Variants in MSH3 observed in about 807,000 individuals in gnomAD.
MSH3 encodes the protein mutS homolog 3.
Under a neutral mutation model 123.3 loss-of-function variants are expected in MSH3, and 106 were observed. The observed-to-expected ratio is 0.86, with a 90% CI of 0.73 to 1.01. MSH3 has a LOEUF of 1.01. Among genes scored for constraint, MSH3 ranks in the 50% least tolerant of loss-of-function variants. The pLI, the probability that MSH3 is intolerant of heterozygous loss-of-function variation, is 0.00. For missense variants in MSH3, 1,459 were observed against 1,347.6 expected (o/e 1.08, Z -1.29); for synonymous variants, 515 against 481.4 (o/e 1.07, Z -0.91).
chr5:80,770,562 C>T (rs1744198708), intron 15 of MSH3, among the ~76,000 whole-genome samples: 1 of 152,208 alleles, frequency 6.6e-6, no homozygotes, highest in African/African-American at 2.4e-5. Context: ...AAGGGTCATT[C>T]CAGTTTGTTG....
chr5:80,775,239 G>C (rs936809560), intron 15 of MSH3, among the ~76,000 whole-genome samples: 1 of 152,040 alleles, frequency 6.6e-6, no homozygotes, highest in African/African-American at 2.4e-5. Context: ...TCAGTTCCTT[G>C]GATAAAAACT....
intron 8 of MSH3, among the ~76,000 whole-genome samples, chr5:80,718,862 C>T (rs146612777): frequency 3.0e-3 from 451 of 152,128 alleles, no homozygotes; most frequent in African/African-American, 0.01. Context: ...TCAAAATGGC[C>T]CATTATTGGG....
chr5:80,693,506 T>G (rs190231422), intron 8 of MSH3, among the ~76,000 whole-genome samples: 199 of 101,702 alleles, frequency 2.0e-3, no homozygotes, highest in Non-Finnish European at 3.0e-3. Flanking sequence ...TATATGTTTA[T>G]ATAAATATGC....
chr5:80,696,128 G>C (rs932741391), intron 8 of MSH3, among the ~76,000 whole-genome samples: 3 of 152,176 alleles, frequency 2.0e-5, no homozygotes, highest in African/African-American at 7.2e-5. Context: ...GGCCTTCTCT[G>C]ACACCATCCC....
intron 20 of MSH3, among the ~76,000 whole-genome samples, chr5:80,827,099 A>G (rs1414203909): frequency 6.6e-6 from 1 of 152,254 alleles, no homozygotes; most frequent in East Asian, 1.9e-4. Context: ...CTTAAATCTC[A>G]TCTAGCCTTT....
intron 8 of MSH3, among the ~76,000 whole-genome samples, chr5:80,681,887 A>T (rs1205817899): frequency 6.6e-6 from 1 of 152,220 alleles, no homozygotes; most frequent in Non-Finnish European, 1.5e-5. Flanking sequence ...TGAATTTGGC[A>T]TATCAAAGAT....
At position 80,656,406 on chromosome 5, in the gene MSH3, T is replaced by A; in HGVS notation, c.238-5T>A. Reference sequence around the variant, plus strand: ...ACACATCATTTTCTAACCTTCCCGATATAGGCTACAGAAATTGACAGAAGA... The same window carrying A: ...ACACATCATTTTCTAACCTTCCCGAAATAGGCTACAGAAATTGACAGAAGA... On this transcript the variant is annotated splice_polypyrimidine_tract_variant and splice_region_variant and intron_variant, in intron 1 of 23. Coordinates refer to ENST00000265081, the MANE Select transcript of MSH3 (RefSeq NM_002439.5). The A allele has an allele frequency of 6.2e-7, 1 of 1,614,034 alleles. No homozygotes were observed. Among genetic ancestry groups the A allele is most frequent in the Non-Finnish European group, 8.5e-7 (1 of 1,179,968 alleles).
intron 8 of MSH3, among the ~76,000 whole-genome samples, chr5:80,683,076 A>T (rs909487360): frequency 2.0e-5 from 3 of 152,172 alleles, no homozygotes; most frequent in African/African-American, 7.2e-5. Flanking sequence ...CATTGTATAT[A>T]TGTACTACAT....
rs552594101 is a variant in MSH3 at position 80,664,450 on chromosome 5, G to A, written c.359-693G>A. Among the ~76,000 whole-genome samples, 145 of 151,626 alleles carry A rather than the reference G, an allele frequency of 9.6e-4. 1 individual carries two copies. In the South Asian group the frequency reaches 0.013, roughly 13 times the overall value. On this transcript the variant is annotated intron_variant, in intron 2 of 23. Transcript: ENST00000265081. ...TGGCTTCCTGGGTTCTGGAGAGGCC[G>A]TGGATCTCAGCATACATTGTGTCTG...
chr5:80,800,673 A>G (rs1744775737), intron 19 of MSH3, among the ~76,000 whole-genome samples: 2 of 152,334 alleles, frequency 1.3e-5, no homozygotes, highest in Non-Finnish European at 1.5e-5. Flanking sequence ...AAATGTAAAC[A>G]TGGTGGAAAT....
At chr5:80,794,494 G>A (rs1744664741) in intron 19 of MSH3, among the ~76,000 whole-genome samples, 1 of 152,186 alleles carries the variant, frequency 6.6e-6, no homozygotes, top group South Asian at 2.1e-4. Context: ...AGGACATGGG[G>A]TAAAACGGTA....
At chr5:80,848,634 A>G (rs1680966368) in intron 20 of MSH3, among the ~76,000 whole-genome samples, 1 of 152,212 alleles carries the variant, frequency 6.6e-6, no homozygotes, top group Admixed American at 6.5e-5. Flanking sequence ...GTGCAGGGAA[A>G]TGCGCGTTTT....
At chr5:80,775,871 C>A in intron 16 of MSH3, 113 bp downstream of exon 16, 2 of 663,578 alleles carry the variant, frequency 3.0e-6, no homozygotes. Context: ...ATTCTTTTTA[C>A]TTATTTTTTC....
intron 13 of MSH3, among the ~76,000 whole-genome samples, chr5:80,767,319 A>G (rs1744140102): frequency 6.6e-6 from 1 of 152,186 alleles, no homozygotes; most frequent in Middle Eastern, 3.2e-3. Context: ...CAAAAAGGTT[A>G]GTCCTCTGCT....
At chr5:80,848,013 C>T (rs548104487) in intron 20 of MSH3, among the ~76,000 whole-genome samples, 3 of 152,334 alleles carry the variant, frequency 2.0e-5, no homozygotes, top group Admixed American at 6.5e-5. Context: ...TGGTGGATCA[C>T]TTGAGCCCAG....
chr5:80,672,429 T>G (rs904294009), intron 5 of MSH3, 69 bp downstream of exon 5: 9 of 1,167,460 alleles, frequency 7.7e-6, no homozygotes, highest in Middle Eastern at 1.9e-4. Flanking sequence ...AAACGTGTTT[T>G]GTAAGGTGGT....
rs77277037 is a variant in MSH3, at chr5:80,810,895, G to T, written c.2656-2689G>T. Among the ~76,000 whole-genome samples the T allele has an allele frequency of 3.3e-5, 5 of 152,106 alleles. No individual in the cohort carries two copies. The East Asian group carries it at 7.7e-4, about 24-fold the overall frequency. The stretch of plus-strand genomic sequence containing the variant: ...TAACAATGTTTTATTTTGAATTACA[G>T]GTTGGGCATTCCTAATCTGAAAATC... On this transcript the variant is annotated intron_variant, in intron 19 of 23. Coordinates refer to ENST00000265081, the MANE Select transcript of MSH3 (RefSeq NM_002439.5).
At position 80,700,851 on chromosome 5, in the gene MSH3, A is replaced by G. The variant is rs188294697; in HGVS notation, c.1340+21758A>G. Among the ~76,000 whole-genome samples the G allele has an allele frequency of 2.1e-3, 316 of 152,300 alleles. 2 individuals carry two copies. The highest frequency in any genetic ancestry group is 7.3e-3 in the African/African-American group (303 of 41,558). On this transcript the variant is annotated intron_variant, in intron 8 of 23. Coordinates refer to ENST00000265081, the MANE Select transcript of MSH3 (RefSeq NM_002439.5). ...GAAACAGCATTTGAGAAGTGTGGAG[A>G]AAAGATCTTCCTGATTACTACAGAG...
At chr5:80,832,337 G>A (rs1406268617) in intron 20 of MSH3, among the ~76,000 whole-genome samples, 1 of 151,948 alleles carries the variant, frequency 6.6e-6, no homozygotes, top group African/African-American at 2.4e-5. Flanking sequence ...TCTGCAAATG[G>A]AGGCCTGGCA....
Sources: allele counts gnomAD v4.1 joint callset (sites outside exome capture counted in the v4.1 genomes callset), GRCh38; gene constraint gnomAD v4.1.1; transcripts MANE v1.5; gene names NCBI Gene and HGNC (gene_info 2026-07-23, HGNC 2026-07-21).